Variants in SLC48A1 observed in about 807,000 individuals in gnomAD.
SLC48A1 encodes the protein solute carrier family 48 member 1.
Under a neutral mutation model 14.8 loss-of-function variants are expected in SLC48A1, and 6 were observed. The observed-to-expected ratio is 0.41, with a 90% CI of 0.22 to 0.80. The LOEUF (loss-of-function observed/expected upper bound fraction) is 0.80. Ranked by LOEUF, SLC48A1 falls within the 30% of genes least tolerant of loss-of-function variation. SLC48A1 has a pLI of 0.34. For synonymous variants in SLC48A1, 89 were observed against 90.0 expected (o/e 0.99, Z 0.06); for missense variants, 165 against 204.8 (o/e 0.81, Z 1.19).
upstream of SLC48A1, chr12:47,768,698 T>C (rs2136855195): frequency 6.6e-6 from 1 of 152,378 alleles, no homozygotes; most frequent in East Asian, 1.9e-4. Context: ...AATGTGTATA[T>C]CTGCGGGGAG....
At chr12:47,756,966 TAAA>T (rs112318307), upstream of SLC48A1, among the ~76,000 whole-genome samples, 2 of 136,674 alleles carry the variant, frequency 1.5e-5, no homozygotes, top group Non-Finnish European at 3.2e-5. Flanking sequence ...AGACTCTGGT[TAAA>T]AAAAAAAAAA....
At chr12:47,773,914 AG>A (rs1401222110) in intron 1 of SLC48A1, among the ~76,000 whole-genome samples, 2 of 152,238 alleles carry the variant, frequency 1.3e-5, no homozygotes, top group African/African-American at 4.8e-5. Context: ...AGAGGGAAGA[AG>A]TGGGAAAGGA....
rs751093969 is a variant in SLC48A1 at position 47,780,509 on chromosome 12, C to G, written c.*228C>G. On this transcript the variant is annotated 3_prime_UTR_variant, in exon 3 of 3. Coordinates refer to ENST00000442218, the MANE Select transcript of SLC48A1 (RefSeq NM_017842.3). The stretch of plus-strand genomic sequence containing the variant: ...CCATGTTGCTCCTCATCAGCCTGGC[C>G]AGAGGGCAGCTTTAGACCTTTTCAA... The G allele has an allele frequency of 1.3e-6, 1 of 777,882 alleles. No individual in the cohort carries two copies. The highest frequency in any genetic ancestry group is 2.5e-5 in the East Asian group (1 of 40,524). 48.2% of individuals were successfully genotyped at this position (777,882 alleles called of 1,614,324 possible).
chr12:47,780,557 C>CTTTTTTTTTTTTTTTTTTTT lies in SLC48A1; in HGVS notation c.*286_*287insTTTTTTTTTTTTTTTTTTTT. ...CAAATGAATCTGTTTTCTTTTCTTT[C>CTTTTTTTTTTTTTTTTTTTT]TTTTTTTTTTCTTTTTTTTTTTTTT... On this transcript the variant is annotated 3_prime_UTR_variant, in exon 3 of 3. Transcript: ENST00000442218. The CTTTTTTTTTTTTTTTTTTTT allele has an allele frequency of 1.8e-6, 1 of 560,146 alleles. No homozygotes were observed. Among genetic ancestry groups the CTTTTTTTTTTTTTTTTTTTT allele is most frequent in the Non-Finnish European group, 3.3e-6 (1 of 303,086 alleles). 34.7% of individuals were successfully genotyped at this position (560,146 alleles called of 1,614,324 possible).
At chr12:47,773,556 T>A in intron 1 of SLC48A1, 116 bp downstream of exon 1, 1 of 1,222,898 alleles carries the variant, frequency 8.2e-7, no homozygotes, top group Non-Finnish European at 1.0e-6. Context: ...GTGGAGTGTT[T>A]ACTCGAAAAC....
chr12:47,755,794 ACTGGCAGTGCTGT>A (rs1942018784), upstream of SLC48A1: 1 of 152,178 alleles, frequency 6.6e-6, no homozygotes, highest in Admixed American at 6.5e-5. Flanking sequence ...GGCCTCAATA[ACTGGCAGTGCTGT>A]CTTCCTGGGA....
At chr12:47,757,820 A>C, upstream of SLC48A1, 3 of 1,506,872 alleles carry the variant, frequency 2.0e-6, no homozygotes, top group Non-Finnish European at 9.0e-7. Context: ...GCCCCCCTCT[A>C]GCTCTGGTAC....
chr12:47,779,689 T>C (rs1467046973), intron 2 of SLC48A1, among the ~76,000 whole-genome samples: 2 of 152,140 alleles, frequency 1.3e-5, no homozygotes, highest in Non-Finnish European at 1.5e-5. Flanking sequence ...CCAGCTCCGT[T>C]CTACTGTTCC....
upstream of SLC48A1, among the ~76,000 whole-genome samples, chr12:47,767,843 T>G (rs760745472): frequency 6.6e-5 from 10 of 152,298 alleles, no homozygotes; most frequent in Admixed American, 2.0e-4. Flanking sequence ...GTGTCTGAAG[T>G]AAAATGAGCA....
upstream of SLC48A1, chr12:47,772,068 TAA>T (rs375211621): frequency 4.8e-3 from 737 of 154,806 alleles, 6 homozygotes; most frequent in African/African-American, 0.017. Context: ...AAAATAATAA[TAA>T]GTTTGTGTTA....
Position 47,773,378 on chromosome 12 carries a change from T to A in SLC48A1, c.74T>A (p.Ile25Asn). 6.8e-7 allele frequency: 1 copy of A among 1,478,444 alleles called. No individual in the cohort carries two copies. 91.6% of individuals were successfully genotyped at this position (1,478,444 alleles called of 1,614,324 possible). Residue 25 changes from isoleucine to asparagine, a missense_variant, in exon 1 of 3, where the codon ATC (isoleucine) becomes AAC (asparagine). Transcript: ENST00000442218. ...SGISSVAGFSIFLVWTVVYRQ... is the reference protein window; with the variant it reads ...SGISSVAGFSNFLVWTVVYRQ... ...ATCAGCTCCGTGGCCGGCTTCTCCA[T>A]CTTCCTCGTCTGGACGGTGGTCTAC...
chr12:47,776,829 A>C (rs1398958578), intron 1 of SLC48A1, among the ~76,000 whole-genome samples: 1 of 152,196 alleles, frequency 6.6e-6, no homozygotes, highest in Non-Finnish European at 1.5e-5. Flanking sequence ...GCATCTTCAC[A>C]GGCCCCTATT....
At chr12:47,762,455 C>T (rs565601931) in intron 2 of SLC48A1, among the ~76,000 whole-genome samples, 10 of 152,296 alleles carry the variant, frequency 6.6e-5, no homozygotes, top group African/African-American at 2.4e-4. Context: ...CCCTACATTC[C>T]TCATTCTCCC....
Position 47,780,679 on chromosome 12 carries a change from G to A in SLC48A1, c.*398G>A, listed in dbSNP as rs1369746963. 7.4e-6 allele frequency: 3 copies of A among 403,314 alleles called. No homozygotes were observed. Among genetic ancestry groups the A allele is most frequent in the Non-Finnish European group, 1.5e-5 (3 of 206,794 alleles). The allele number at this position is 403,314 out of a possible 1,614,324, so 25.0% of individuals were successfully genotyped here. On this transcript the variant is annotated 3_prime_UTR_variant, in exon 3 of 3. Coordinates refer to ENST00000442218, the MANE Select transcript of SLC48A1 (RefSeq NM_017842.3). The stretch of plus-strand genomic sequence containing the variant: ...CCTCCCAGGTTCAAGCAATTCTCCT[G>A]CCTTGGCCTCTCAAGTAGCTGGGAT...
At position 47,781,169 on chromosome 12, in the gene SLC48A1, A is replaced by G. The variant is rs373114462; in HGVS notation, c.*888A>G. ...CCGTGGCCCCCCACCCATCTCACTC[A>G]CACACACAGGCATCCATACACCCCA... On this transcript the variant is annotated 3_prime_UTR_variant, in exon 3 of 3. Coordinates refer to ENST00000442218, the MANE Select transcript of SLC48A1 (RefSeq NM_017842.3). The G allele has an allele frequency of 3.2e-6, 1 of 315,786 alleles. No individual in the cohort carries two copies. The highest frequency in any genetic ancestry group is 6.2e-6 in the Non-Finnish European group (1 of 161,150). 19.6% of individuals were successfully genotyped at this position (315,786 alleles called of 1,614,324 possible).
At chr12:47,766,247 G>A (rs1333169028) in intron 2 of SLC48A1, among the ~76,000 whole-genome samples, 1 of 152,186 alleles carries the variant, frequency 6.6e-6, no homozygotes, top group Admixed American at 6.5e-5. Context: ...CAGATCTGAA[G>A]GGCAAATATT....
chr12:47,777,264 T>C lies in SLC48A1; in HGVS notation c.137-1764T>C, dbSNP rs2136867944. ...GGTGGGGAGGAACAGATGCTTGTCC[T>C]GGCCCACCCTGATCTCAGTAGGAGG... On this transcript the variant is annotated intron_variant, in intron 1 of 2. Transcript: ENST00000442218. The surrounding 1 kb of genome is among the most constrained non-coding windows in gnomAD (Gnocchi z 4.5). 6.6e-6 allele frequency among the ~76,000 whole-genome samples: 1 copy of C among 152,288 alleles called. No homozygotes were observed. The highest frequency in any genetic ancestry group is 2.1e-4 in the South Asian group (1 of 4,826).
At chr12:47,758,733 G>A in intron 1 of SLC48A1, 2 of 1,340,890 alleles carry the variant, frequency 1.5e-6, no homozygotes, top group Non-Finnish European at 9.6e-7. Context: ...TGCAGGGCTC[G>A]GTGGAGAGGC....
upstream of SLC48A1, chr12:47,758,407 C>T: frequency 6.5e-7 from 1 of 1,536,120 alleles, no homozygotes; most frequent in East Asian, 2.3e-5. Flanking sequence ...CTAGGTCTCC[C>T]AGAAATGCAG....
Sources: gnomAD v4.1 joint callset for allele counts (sites outside exome capture counted in the v4.1 genomes callset) on GRCh38, gnomAD v4.1.1 for gene constraint, Gnocchi (gnomAD v3.1) non-coding constraint, MANE v1.5 for transcripts, NCBI Gene and HGNC (gene_info 2026-07-23, HGNC 2026-07-21) for gene names.